ZNF385D: variants seen among roughly 807,000 people sequenced by gnomAD.
The protein encoded by ZNF385D is zinc finger protein 659.
In ZNF385D, 15 loss-of-function variants were observed where a neutral mutation model predicts 35.8. That is an observed-to-expected ratio of 0.42 (90% CI 0.28 to 0.64). The LOEUF (loss-of-function observed/expected upper bound fraction) is 0.64. Ranked by LOEUF, ZNF385D falls within the 30% of genes least tolerant of loss-of-function variation. The probability of loss-of-function intolerance (pLI) is 0.23; values close to 1 mark genes in which losing one functional copy is unlikely to be tolerated. For missense variants in ZNF385D, 474 were observed against 494.6 expected (o/e 0.96, Z 0.39); for synonymous variants, 212 against 186.8 (o/e 1.13, Z -1.10).
intron 3 of ZNF385D, among the ~76,000 whole-genome samples, chr3:21,936,502 T>C (rs534419888): frequency 2.4e-4 from 36 of 152,218 alleles, no homozygotes; most frequent in Non-Finnish European, 1.5e-4. Flanking sequence ...CAATTTAAAT[T>C]GGTGTCTTTT....
chr3:22,369,641 C>T lies in ZNF385D; in HGVS notation c.106+2809G>A, dbSNP rs76443830. 9.7e-3 allele frequency among the ~76,000 whole-genome samples: 1,481 copies of T among 152,258 alleles called. 21 individuals carry two copies. The highest frequency in any genetic ancestry group is 0.034 in the African/African-American group (1,400 of 41,554). ...AAATTTGGAATATTAATAGCATTAG[C>T]ATCCCAATGGGTTTATACAAATTTT... is the stretch of plus-strand genomic sequence containing the variant. On this transcript the variant is annotated intron_variant, in intron 2 of 5. Transcript: ENST00000494108.
intron 3 of ZNF385D, among the ~76,000 whole-genome samples, chr3:21,941,603 T>G (rs1189648518): frequency 6.7e-6 from 1 of 148,908 alleles, no homozygotes; most frequent in Non-Finnish European, 1.5e-5. Context: ...GTTCACGCCA[T>G]TCTCCTGCCT....
At chr3:21,906,654 C>G (rs1373031676) in intron 3 of ZNF385D, among the ~76,000 whole-genome samples, 1 of 152,132 alleles carries the variant, frequency 6.6e-6, no homozygotes, top group African/African-American at 2.4e-5. Flanking sequence ...TGTGCCCAGC[C>G]TTGGCTCCAA....
intron 2 of ZNF385D, among the ~76,000 whole-genome samples, chr3:22,371,878 C>G (rs867286443): frequency 1.3e-5 from 2 of 152,106 alleles, no homozygotes; most frequent in Non-Finnish European, 2.9e-5. Flanking sequence ...AGCTTCTCAT[C>G]CTGCCCTCAA....
intron 3 of ZNF385D, among the ~76,000 whole-genome samples, chr3:21,815,668 T>C (rs1410846424): frequency 6.6e-6 from 1 of 152,182 alleles, no homozygotes; most frequent in Non-Finnish European, 1.5e-5. Flanking sequence ...TAGCAGGCTC[T>C]GAAATTGAGA....
intron 3 of ZNF385D, among the ~76,000 whole-genome samples, chr3:21,521,418 T>C (rs1396934543): frequency 2.0e-5 from 3 of 152,172 alleles, no homozygotes; most frequent in African/African-American, 4.8e-5. Context: ...GAATTAGAGA[T>C]AGAGTGGTGA....
At chr3:22,218,158 T>C (rs955390861) in intron 2 of ZNF385D, among the ~76,000 whole-genome samples, 6 of 152,152 alleles carry the variant, frequency 3.9e-5, no homozygotes, top group African/African-American at 1.4e-4. Context: ...TTACTTACAA[T>C]TTCATCAAAT....
At chr3:21,765,740 GAGAC>G (rs2070802744) in intron 3 of ZNF385D, among the ~76,000 whole-genome samples, 1 of 135,544 alleles carries the variant, frequency 7.4e-6, no homozygotes, top group African/African-American at 2.5e-5. Context: ...GAAAGAGAGA[GAGAC>G]AGAGAGAGAG....
chr3:21,554,757 A>G (rs2062676199), intron 3 of ZNF385D, among the ~76,000 whole-genome samples: 1 of 152,160 alleles, frequency 6.6e-6, no homozygotes, highest in Non-Finnish European at 1.5e-5. Context: ...CAGCACTTGC[A>G]GCTTCACCGT....
chr3:22,328,771 A>T (rs1694793196), intron 2 of ZNF385D, among the ~76,000 whole-genome samples: 3 of 148,516 alleles, frequency 2.0e-5, no homozygotes, highest in African/African-American at 7.5e-5. Flanking sequence ...CAAAAAAAAA[A>T]AGTTAATAAA....
At chr3:21,687,698 T>C (rs1213240709) in intron 1 of ZNF385D, among the ~76,000 whole-genome samples, 2 of 152,148 alleles carry the variant, frequency 1.3e-5, no homozygotes, top group African/African-American at 4.8e-5. Context: ...AACAGTTTTA[T>C]TGCCCTAAAA....
chr3:21,774,199 A>G (rs1467519784), intron 3 of ZNF385D, among the ~76,000 whole-genome samples: 1 of 151,862 alleles, frequency 6.6e-6, no homozygotes, highest in East Asian at 1.9e-4. Flanking sequence ...GTCCTCACTT[A>G]TAAGTGGGAG....
chr3:21,660,970 A>G (rs911188345), intron 2 of ZNF385D, among the ~76,000 whole-genome samples: 9 of 152,210 alleles, frequency 5.9e-5, no homozygotes, highest in Non-Finnish European at 1.3e-4. Flanking sequence ...TGAGGCTTAT[A>G]TGCCCATGGA....
At chr3:21,793,205 T>TA (rs1453289889) in intron 3 of ZNF385D, among the ~76,000 whole-genome samples, 4 of 152,244 alleles carry the variant, frequency 2.6e-5, no homozygotes, top group African/African-American at 9.6e-5. Flanking sequence ...TCTCTGCTGC[T>TA]AGCTAGCCAT....
intron 3 of ZNF385D, among the ~76,000 whole-genome samples, chr3:21,800,273 A>G (rs1490899268): frequency 1.3e-5 from 2 of 152,216 alleles, no homozygotes; most frequent in Non-Finnish European, 2.9e-5. Flanking sequence ...GTTCATTTAC[A>G]CAAAAAATGT....
chr3:21,921,223 A>AT (rs1491132739), intron 3 of ZNF385D, among the ~76,000 whole-genome samples: 3 of 24,508 alleles, frequency 1.2e-4, no homozygotes, highest in African/African-American at 4.4e-4. Context: ...ACTCCATCTC[A>AT]AAAAAAAAAA....
rs752516520 is a variant in ZNF385D, at chr3:21,436,938, G to C, written c.673+32C>G. ...TTCAGAGGAAGATAATTGCAGAGCT[G>C]TTGAAACAAAAAAGAAATCGCTGCA... On this transcript the variant is annotated intron_variant, in intron 5 of 7. Coordinates refer to ENST00000281523, the MANE Select transcript of ZNF385D (RefSeq NM_024697.3). 3 of 1,598,874 alleles carry C rather than the reference G, an allele frequency of 1.9e-6. No homozygotes were observed. In the South Asian group the frequency reaches 3.3e-5, roughly 18 times the overall value.
intron 3 of ZNF385D, among the ~76,000 whole-genome samples, chr3:22,139,070 A>G (rs1373962612): frequency 6.7e-6 from 1 of 149,212 alleles, no homozygotes; most frequent in African/African-American, 2.4e-5. Flanking sequence ...ATGAGATACC[A>G]TCTCACACCA....
At chr3:22,310,916 A>C (rs1703503889) in intron 2 of ZNF385D, among the ~76,000 whole-genome samples, 1 of 151,798 alleles carries the variant, frequency 6.6e-6, no homozygotes. Context: ...TATTTGTTTC[A>C]GTGTTTAATT....
Sources: allele counts gnomAD v4.1 joint callset (sites outside exome capture counted in the v4.1 genomes callset), GRCh38; gene constraint gnomAD v4.1.1; transcripts MANE v1.5; gene names NCBI Gene and HGNC (gene_info 2026-07-23, HGNC 2026-07-21).